PHC3: variants seen among roughly 807,000 people sequenced by gnomAD.
PHC3 encodes the protein polyhomeotic-like protein 3.
Under a neutral mutation model 107.4 loss-of-function variants are expected in PHC3, and 13 were observed. The observed-to-expected ratio is 0.12, with a 90% CI of 0.08 to 0.19. The LOEUF is 0.19. Ranked by LOEUF, PHC3 falls within the 10% of genes least tolerant of loss-of-function variation. PHC3 has a pLI of 1.00. For synonymous variants in PHC3, 456 were observed against 427.4 expected (o/e 1.07, Z -0.83); for missense variants, 992 against 1,210.9 (o/e 0.82, Z 2.68).
chr3:170,108,083 T>C (rs12632566), intron 11 of PHC3, among the ~76,000 whole-genome samples: 39,343 of 152,130 alleles, frequency 0.26, 6,294 homozygotes, highest in South Asian at 0.41. Flanking sequence ...TTGGTAAAAC[T>C]TGTTAAATTC....
intron 7 of PHC3, among the ~76,000 whole-genome samples, chr3:170,129,844 T>G (rs1163958037): frequency 6.6e-6 from 1 of 152,004 alleles, no homozygotes; most frequent in Non-Finnish European, 1.5e-5. Flanking sequence ...GGATTACAGG[T>G]GCCCGCTACC....
chr3:170,152,157 TTTG>T (rs1212646077), intron 4 of PHC3, among the ~76,000 whole-genome samples: 1 of 151,702 alleles, frequency 6.6e-6, no homozygotes, highest in African/African-American at 2.4e-5. Flanking sequence ...TGTAATTTTG[TTTG>T]TTTTTGTTTT....
intron 9 of PHC3, among the ~76,000 whole-genome samples, chr3:170,118,906 AGC>A (rs1378469805): frequency 4.6e-5 from 7 of 151,804 alleles, no homozygotes; most frequent in Non-Finnish European, 8.8e-5. Flanking sequence ...TGCAGGTATA[AGC>A]CACCATGCCC....
At chr3:170,107,553 G>A (rs1277279246) in intron 11 of PHC3, among the ~76,000 whole-genome samples, 1 of 152,052 alleles carries the variant, frequency 6.6e-6, no homozygotes, top group Non-Finnish European at 1.5e-5. Flanking sequence ...AGACCAGTGT[G>A]GGCAGCATAG....
chr3:170,151,611 C>A (rs1405766800), intron 4 of PHC3, among the ~76,000 whole-genome samples: 1 of 152,158 alleles, frequency 6.6e-6, no homozygotes, highest in African/African-American at 2.4e-5. Flanking sequence ...CAGGGGAGGG[C>A]TACAAGTCAA....
intron 8 of PHC3, among the ~76,000 whole-genome samples, chr3:170,127,567 A>AT (rs1374799499): frequency 1.3e-5 from 2 of 152,282 alleles, no homozygotes; most frequent in African/African-American, 2.4e-5. Flanking sequence ...ATACATTTGT[A>AT]TCATGAGAAC....
chr3:170,175,231 C>T (rs956092723), intron 2 of PHC3, among the ~76,000 whole-genome samples: 14 of 152,148 alleles, frequency 9.2e-5, no homozygotes, highest in Non-Finnish European at 2.9e-5. Context: ...ATTCTATGGT[C>T]TCATAAGAAA....
At chr3:170,106,128 C>T (rs1231141795) in intron 12 of PHC3, among the ~76,000 whole-genome samples, 1 of 152,250 alleles carries the variant, frequency 6.6e-6, no homozygotes, top group East Asian at 1.9e-4. Context: ...AGGAGAATCT[C>T]TTGAGACTGG....
intron 11 of PHC3, among the ~76,000 whole-genome samples, chr3:170,109,086 T>C (rs1483746615): frequency 6.6e-6 from 1 of 152,192 alleles, no homozygotes; most frequent in Admixed American, 6.6e-5. Flanking sequence ...TTTGGTAATA[T>C]TACCAAGGTC....
chr3:170,181,363 C>T (rs1236868717), intron 1 of PHC3, among the ~76,000 whole-genome samples: 1 of 152,130 alleles, frequency 6.6e-6, no homozygotes, highest in African/African-American at 2.4e-5. Flanking sequence ...GCCCGCGGGG[C>T]CCACTTGCAG....
chr3:170,108,023 C>T (rs1417605355), intron 11 of PHC3, among the ~76,000 whole-genome samples: 2 of 152,120 alleles, frequency 1.3e-5, no homozygotes, highest in Non-Finnish European at 2.9e-5. Context: ...CTATTTTCCA[C>T]ATAAGAACTA....
At chr3:170,161,903 A>G (rs1473888447) in intron 4 of PHC3, among the ~76,000 whole-genome samples, 1 of 152,132 alleles carries the variant, frequency 6.6e-6, no homozygotes, top group Non-Finnish European at 1.5e-5. Context: ...ACATCCCTAA[A>G]GGTCCTATCT....
intron 4 of PHC3, among the ~76,000 whole-genome samples, chr3:170,159,889 A>G (rs1298876878): frequency 6.6e-6 from 1 of 152,230 alleles, no homozygotes; most frequent in Non-Finnish European, 1.5e-5. Context: ...TTCCTCAGAA[A>G]AAATATTTTC....
intron 1 of PHC3, among the ~76,000 whole-genome samples, chr3:170,181,393 G>A (rs888301198): frequency 2.0e-5 from 3 of 152,128 alleles, no homozygotes; most frequent in Non-Finnish European, 4.4e-5. Flanking sequence ...CGCCTGAGGA[G>A]CCCACCCGGG....
At chr3:170,154,061 C>T (rs1273902847) in intron 4 of PHC3, among the ~76,000 whole-genome samples, 3 of 152,152 alleles carry the variant, frequency 2.0e-5, no homozygotes, top group African/African-American at 7.2e-5. Context: ...TGACTATTCC[C>T]CCTCTTTGTT....
intron 3 of PHC3, among the ~76,000 whole-genome samples, chr3:170,171,761 C>G (rs1022191504): frequency 1.3e-5 from 2 of 152,158 alleles, no homozygotes; most frequent in African/African-American, 4.8e-5. Flanking sequence ...GAAATTAGAG[C>G]TACAGCAAGA....
rs1380407761 is a variant in PHC3, at chr3:170,094,647, C to G, written c.*2583G>C. The stretch of plus-strand genomic sequence containing the variant: ...AGCTTTGAAATTAAGATGATTAACT[C>G]ATCTTGAAAGAAACAGCTGCACCAA... On this transcript the variant is annotated 3_prime_UTR_variant, in exon 15 of 15. Transcript: ENST00000495893. The G allele has an allele frequency of 1.3e-5, 2 of 152,234 alleles. No individual in the cohort carries two copies. The highest frequency in any genetic ancestry group is 4.8e-5 in the African/African-American group (2 of 41,544). 9.4% of individuals were successfully genotyped at this position (152,234 alleles called of 1,614,324 possible). A position where few individuals can be genotyped will look rare whatever the true frequency, so the allele number is the denominator to read the frequency against.
chr3:170,136,551 T>C lies in PHC3; in HGVS notation c.787A>G (p.Thr263Ala). ...QSLTICHNKT[T>A]VTSSKISQRD... ...TGGCTGATTTTAGAACTGGTCACTGTTGTTTTGTTATGACAAATTGTCAAT... is the reference window on the plus strand; with the variant it reads ...TGGCTGATTTTAGAACTGGTCACTGCTGTTTTGTTATGACAAATTGTCAAT... Residue 263 changes from threonine to alanine, a missense_variant, in exon 7 of 15, where the codon ACA (threonine) becomes GCA (alanine). Physicochemically the swap from Thr to Ala is moderately conservative, Grantham distance 58. Transcript: ENST00000495893. 6.2e-7 allele frequency: 1 copy of C among 1,613,488 alleles called. No individual in the cohort carries two copies. Among genetic ancestry groups the C allele is most frequent in the Non-Finnish European group, 8.5e-7 (1 of 1,179,732 alleles).
At chr3:170,117,650 G>A (rs1246814537) in intron 9 of PHC3, among the ~76,000 whole-genome samples, 174 bp from the exon 10 acceptor site, 2 of 152,084 alleles carry the variant, frequency 1.3e-5, no homozygotes, top group South Asian at 2.1e-4. Flanking sequence ...AGGTAGAAGC[G>A]ACTATTATTT....
Sources: gnomAD v4.1 joint callset for allele counts (sites outside exome capture counted in the v4.1 genomes callset) on GRCh38, gnomAD v4.1.1 for gene constraint, MANE v1.5 for transcripts, NCBI Gene and HGNC (gene_info 2026-07-23, HGNC 2026-07-21) for gene names.